The following ZDHHC14 variants were observed in gnomAD, a reference collection of about 807,000 sequenced individuals.
The protein encoded by ZDHHC14 is palmitoyltransferase ZDHHC14.
A neutral mutation model predicts 47.7 loss-of-function variants in ZDHHC14; 16 were observed. That is an observed-to-expected ratio of 0.34 (90% CI 0.23 to 0.51). The LOEUF (loss-of-function observed/expected upper bound fraction) is 0.51. Ranked by LOEUF, ZDHHC14 falls within the 20% of genes least tolerant of loss-of-function variation. The pLI is 0.97. For synonymous variants in ZDHHC14, 293 were observed against 278.9 expected, an observed-to-expected ratio of 1.05 and a Z score of -0.50; for missense variants, 515 against 662.5, an observed-to-expected ratio of 0.78 and a Z score of 2.44.
At chr6:157,517,321 C>CTCTT (rs72212029) in intron 1 of ZDHHC14, among the ~76,000 whole-genome samples, 3 of 146,022 alleles carry the variant, frequency 2.1e-5, no homozygotes, top group East Asian at 2.0e-4. Flanking sequence ...TATAGTATCT[C>CTCTT]TTTTTTTTTT....
chr6:157,513,175 C>G (rs964816790), intron 1 of ZDHHC14, among the ~76,000 whole-genome samples: 1 of 152,238 alleles, frequency 6.6e-6, no homozygotes, highest in Non-Finnish European at 1.5e-5. Flanking sequence ...CGTGACGTCT[C>G]GCTGTTGAGC....
chr6:157,477,475 A>G (rs9331339), intron 1 of ZDHHC14, among the ~76,000 whole-genome samples: 2 of 152,244 alleles, frequency 1.3e-5, no homozygotes, highest in Admixed American at 6.5e-5. Flanking sequence ...TTCACCAAAA[A>G]ACTGTTAACA....
intron 4 of ZDHHC14, chr6:157,632,029 G>A (rs1785766240): frequency 6.6e-6 from 1 of 152,270 alleles, no homozygotes; most frequent in South Asian, 2.1e-4. Context: ...GGCACATGGG[G>A]ACACGGTGGC....
intron 2 of ZDHHC14, among the ~76,000 whole-genome samples, chr6:157,567,808 C>A (rs1053145479): frequency 6.0e-5 from 6 of 99,938 alleles, no homozygotes; most frequent in Non-Finnish European, 1.2e-4. Flanking sequence ...GAGACCCCAT[C>A]TCAAAAAAAA....
intron 2 of ZDHHC14, among the ~76,000 whole-genome samples, chr6:157,558,614 C>G (rs1782577121): frequency 6.6e-6 from 1 of 152,122 alleles, no homozygotes; most frequent in African/African-American, 2.4e-5. Flanking sequence ...CAATGAAAGA[C>G]TCAGAATTGT....
intron 2 of ZDHHC14, among the ~76,000 whole-genome samples, chr6:157,588,559 G>A (rs1783781794): frequency 6.6e-6 from 1 of 152,230 alleles, no homozygotes; most frequent in Non-Finnish European, 1.5e-5. Flanking sequence ...CTGTCAGTGA[G>A]TGACAGCAGC....
intron 2 of ZDHHC14, among the ~76,000 whole-genome samples, chr6:157,546,215 CGTAT>C: frequency 6.6e-6 from 1 of 152,278 alleles, no homozygotes; most frequent in South Asian, 2.1e-4. Context: ...GGAGTCCTCC[CGTAT>C]ACTACTTGGC....
chr6:157,462,549 C>T lies in ZDHHC14; in HGVS notation c.246-80036C>T, dbSNP rs535528058. ...AGCTTCTGCTGACAAATGAAGATTC[C>T]GAGGACTTTTGGGTTAGGCAAAGAA... On this transcript the variant is annotated intron_variant, in intron 1 of 8. Coordinates refer to ENST00000359775, the MANE Select transcript of ZDHHC14 (RefSeq NM_024630.3). Among the ~76,000 whole-genome samples, 26 of 152,306 alleles carry T rather than the reference C, an allele frequency of 1.7e-4. 1 individual carries two copies. In the East Asian group the frequency reaches 5.0e-3, roughly 29 times the overall value.
intron 3 of ZDHHC14, among the ~76,000 whole-genome samples, chr6:157,622,734 T>C (rs1189844770): frequency 6.6e-6 from 1 of 152,152 alleles, no homozygotes; most frequent in African/African-American, 2.4e-5. Context: ...GCAGAAGTCC[T>C]GGAACCCTGT....
intron 2 of ZDHHC14, among the ~76,000 whole-genome samples, chr6:157,590,909 C>T (rs1012599609): frequency 6.6e-6 from 1 of 152,238 alleles, no homozygotes; most frequent in African/African-American, 2.4e-5. Flanking sequence ...AGCCTTACCT[C>T]TTGCATCAGC....
intron 8 of ZDHHC14, among the ~76,000 whole-genome samples, chr6:157,658,765 T>C (rs1778216538): frequency 6.6e-6 from 1 of 152,278 alleles, no homozygotes; most frequent in Non-Finnish European, 1.5e-5. Flanking sequence ...GGGAATTGTC[T>C]GTAGTTTTAT....
rs1442922610 is a variant in ZDHHC14 at position 157,433,061 on chromosome 6, G to A, written c.245+50795G>A. Among the ~76,000 whole-genome samples, 5 of 152,256 alleles carry A rather than the reference G, an allele frequency of 3.3e-5. No individual in the cohort carries two copies. The East Asian group carries it at 9.6e-4, about 29-fold the overall frequency. ...GCATCTCACCGCCCAAGAGCGGTGTGCCTGTGTCTAATGAACGTGTTACAT... is the reference window on the plus strand; with the variant it reads ...GCATCTCACCGCCCAAGAGCGGTGTACCTGTGTCTAATGAACGTGTTACAT... On this transcript the variant is annotated intron_variant, in intron 1 of 8. Transcript: ENST00000359775.
At chr6:157,453,788 T>TTTTTTTTG (rs3220439) in intron 1 of ZDHHC14, among the ~76,000 whole-genome samples, 80 of 148,194 alleles carry the variant, frequency 5.4e-4, no homozygotes, top group African/African-American at 2.0e-3. Flanking sequence ...TTTTTGTGTT[T>TTTTTTTTG]TGTGTGTGTG....
intron 1 of ZDHHC14, among the ~76,000 whole-genome samples, chr6:157,430,432 GC>G (rs1778316042): frequency 6.6e-6 from 1 of 151,970 alleles, no homozygotes; most frequent in African/African-American, 2.4e-5. Context: ...CTTCCTGGAG[GC>G]CCCAGAGAGA....
intron 5 of ZDHHC14, among the ~76,000 whole-genome samples, 161 bp downstream of exon 5, chr6:157,633,043 C>T (rs1177120423): frequency 6.6e-6 from 1 of 152,206 alleles, no homozygotes; most frequent in East Asian, 1.9e-4. Context: ...TAGCTTCTGA[C>T]TACTTCCATC....
intron 1 of ZDHHC14, among the ~76,000 whole-genome samples, chr6:157,540,933 T>TATATATATATATATATATAAAA (rs1252700559): frequency 7.0e-6 from 1 of 143,416 alleles, no homozygotes; most frequent in African/African-American, 2.8e-5. Context: ...TATATATATA[T>TATATATATATATATATATAAAA]AATTTCATAC....
At chr6:157,443,895 C>G (rs1778607988) in intron 1 of ZDHHC14, among the ~76,000 whole-genome samples, 1 of 152,176 alleles carries the variant, frequency 6.6e-6, no homozygotes, top group African/African-American at 2.4e-5. Flanking sequence ...AGATTAAATG[C>G]CATAACCCAG....
intron 2 of ZDHHC14, among the ~76,000 whole-genome samples, chr6:157,583,101 C>T (rs1384176313): frequency 6.6e-6 from 1 of 151,918 alleles, no homozygotes; most frequent in Non-Finnish European, 1.5e-5. Flanking sequence ...ATGACTGTTT[C>T]ATCTGTCAGC....
intron 1 of ZDHHC14, among the ~76,000 whole-genome samples, chr6:157,408,833 T>TG (rs1777818049): frequency 6.6e-6 from 1 of 152,196 alleles, no homozygotes; most frequent in Admixed American, 6.5e-5. Flanking sequence ...GTAATGGGTT[T>TG]GCTGGGTCAA....
Sources: allele counts gnomAD v4.1 joint callset (sites outside exome capture counted in the v4.1 genomes callset), GRCh38; gene constraint gnomAD v4.1.1; transcripts MANE v1.5; gene names NCBI Gene and HGNC (gene_info 2026-07-23, HGNC 2026-07-21).